The following MME variants were observed in gnomAD, a reference collection of about 807,000 sequenced individuals.
MME encodes the protein membrane metalloendopeptidase, also known as neprilysin.
In MME, 98 loss-of-function variants were observed where a neutral mutation model predicts 113.2. That is an observed-to-expected ratio of 0.87 (90% CI 0.74 to 1.02). The LOEUF (loss-of-function observed/expected upper bound fraction) is 1.02, where lower values mean the gene tolerates loss of function less well. Among genes scored for constraint, MME ranks in the 50% least tolerant of loss-of-function variants. The pLI, the probability that MME is intolerant of heterozygous loss-of-function variation, is 0.00. For missense variants in MME, 836 were observed against 896.0 expected, an observed-to-expected ratio of 0.93 and a Z score of 0.86; for synonymous variants, 292 against 300.6, an observed-to-expected ratio of 0.97 and a Z score of 0.30.
At chr3:155,166,816 C>T in intron 17 of MME, 86 bp from the exon 18 acceptor site, 4 of 1,559,364 alleles carry the variant, frequency 2.6e-6, no homozygotes, top group Non-Finnish European at 8.8e-7. Flanking sequence ...CCAGCTACTC[C>T]TGAGGAGGGA....
At chr3:155,108,765 C>G (rs1238394552) in intron 3 of MME, among the ~76,000 whole-genome samples, 2 of 152,000 alleles carry the variant, frequency 1.3e-5, no homozygotes, top group African/African-American at 4.8e-5. Context: ...CCTTTAAACC[C>G]TCCCCCCTCC....
chr3:155,049,490 T>G (rs1336839856), intron 1 of MME, among the ~76,000 whole-genome samples: 1 of 152,150 alleles, frequency 6.6e-6, no homozygotes. Flanking sequence ...GGAAGAATTT[T>G]TAAGCCACTT....
intron 3 of MME, among the ~76,000 whole-genome samples, chr3:155,087,429 G>A (rs1318623581): frequency 6.6e-6 from 1 of 151,976 alleles, no homozygotes; most frequent in African/African-American, 2.4e-5. Flanking sequence ...ATTCCCCAGG[G>A]AAATGGCTGC....
In MME at chr3:155,180,856, G is replaced by A. The variant is rs540658638; in HGVS notation, c.*397G>A. 2 of 233,610 alleles carry A rather than the reference G, an allele frequency of 8.6e-6. No homozygotes were observed. The highest frequency in any genetic ancestry group is 2.3e-5 in the African/African-American group (1 of 44,378). The allele number at this position is 233,610 out of a possible 1,614,324, so 14.5% of individuals were successfully genotyped here. A position where few individuals can be genotyped will look rare whatever the true frequency, so the allele number is the denominator to read the frequency against. Reference sequence around the variant, plus strand: ...AATACAGTTAGGCACCAGAAGAACAGTAGGTGACACTATAGTTTAAAACAC... The same window carrying A: ...AATACAGTTAGGCACCAGAAGAACAATAGGTGACACTATAGTTTAAAACAC... On this transcript the variant is annotated 3_prime_UTR_variant, in exon 23 of 23. Coordinates refer to ENST00000360490, the MANE Select transcript of MME (RefSeq NM_007289.4).
chr3:155,156,184 G>C (rs1473916621), intron 16 of MME, among the ~76,000 whole-genome samples: 3 of 152,156 alleles, frequency 2.0e-5, no homozygotes, highest in African/African-American at 7.2e-5. Context: ...GGGGTGAGGG[G>C]AGTAGACCTG....
rs76178525 is a variant in MME at position 155,153,432 on chromosome 3, T to A, written c.1601+4779T>A. Among the ~76,000 whole-genome samples, 93 of 152,282 alleles carry A rather than the reference T, an allele frequency of 6.1e-4. No homozygotes were observed. In the East Asian group the frequency reaches 0.018, roughly 29 times the overall value. ...TAAACATGTCATTATAACATAGAAA[T>A]AGTGCTGAATCGGGAATATAATACC... On this transcript the variant is annotated intron_variant, in intron 16 of 22. Coordinates refer to ENST00000360490, the MANE Select transcript of MME (RefSeq NM_007289.4).
chr3:155,180,461 C>G lies in MME; in HGVS notation c.*2C>G. ...GAAAAGAAGTGCCGGGTTTGGTGAT[C>G]TTCAAAAGAAGCATTGCAGCCCTTG... On this transcript the variant is annotated 3_prime_UTR_variant, in exon 23 of 23. Transcript: ENST00000360490. 6.2e-7 allele frequency: 1 copy of G among 1,610,556 alleles called. No homozygotes were observed. The highest frequency in any genetic ancestry group is 8.5e-7 in the Non-Finnish European group (1 of 1,176,934).
chr3:155,073,103 T>C (rs1458259045), intron 1 of MME, among the ~76,000 whole-genome samples: 1 of 152,220 alleles, frequency 6.6e-6, no homozygotes, highest in Non-Finnish European at 1.5e-5. Context: ...AGTTGTGGAA[T>C]AGCTTGGTCA....
intron 1 of MME, among the ~76,000 whole-genome samples, chr3:155,073,182 G>A (rs1378161150): frequency 6.6e-6 from 1 of 152,130 alleles, no homozygotes; most frequent in Non-Finnish European, 1.5e-5. Flanking sequence ...ACTAGCCAGG[G>A]ATCTGCAAAC....
intron 3 of MME, among the ~76,000 whole-genome samples, chr3:155,091,609 C>G (rs1449309769): frequency 6.6e-6 from 1 of 152,062 alleles, no homozygotes; most frequent in Non-Finnish European, 1.5e-5. Context: ...AGAAAGATTC[C>G]TCTGTAGTTG....
In MME at chr3:155,138,224, A is replaced by G; in HGVS notation, c.843A>G (p.Lys281=). The change falls in exon 9 of 23, where the codon AAA becomes AAG. Residue 281 remains lysine (K), a synonymous_variant. Coordinates refer to ENST00000360490, the MANE Select transcript of MME (RefSeq NM_007289.4). ...TGAATAAAGTTATGGAATTGGAAAA[A>G]GAAATTGCCAATGTAAAACACATTT... ...LEMNKVMELE[K]EIANATAKPE... 1 of 1,613,568 alleles carries G rather than the reference A, an allele frequency of 6.2e-7. No homozygotes were observed. The highest frequency in any genetic ancestry group is 1.1e-5 in the South Asian group (1 of 91,076).
intron 8 of MME, among the ~76,000 whole-genome samples, chr3:155,134,042 T>G (rs1720422038): frequency 6.6e-6 from 1 of 151,958 alleles, no homozygotes; most frequent in South Asian, 2.1e-4. Flanking sequence ...AAATTCTGAT[T>G]ACCTTAAATA....
intron 3 of MME, among the ~76,000 whole-genome samples, chr3:155,096,532 C>T (rs1049571666): frequency 3.3e-5 from 5 of 151,994 alleles, no homozygotes; most frequent in African/African-American, 9.7e-5. Flanking sequence ...CTTCTAGTAG[C>T]GGTGGGAGGT....
Position 155,180,423 on chromosome 3 carries a change from A to G in MME, c.2217A>G (p.Ser739=), listed in dbSNP as rs371030508. The change falls in exon 23 of 23, where the codon TCA becomes TCG. Residue 739 remains serine (S), a synonymous_variant. Transcript: ENST00000360490. ...AAGCCTTTCACTGCCGCAAGAATTC[A>G]TACATGAATCCAGAAAAGAAGTGCC... ...FSEAFHCRKN[S]YMNPEKKCRV... 3.1e-6 allele frequency: 5 copies of G among 1,613,522 alleles called. No individual in the cohort carries two copies. The highest frequency in any genetic ancestry group is 4.2e-6 in the Non-Finnish European group (5 of 1,179,628).
intron 1 of MME, among the ~76,000 whole-genome samples, chr3:155,066,341 G>T (rs1049123583): frequency 1.3e-5 from 2 of 152,062 alleles, no homozygotes; most frequent in Non-Finnish European, 2.9e-5. Context: ...GAAGTTTCCT[G>T]TTTTCTATAA....
chr3:155,112,241 C>T (rs915182117), intron 3 of MME: 58 of 152,164 alleles, frequency 3.8e-4, no homozygotes, highest in African/African-American at 1.3e-3. Flanking sequence ...CTGATACAGA[C>T]TTTTGTCAGG....
chr3:155,086,319 G>A (rs1053169717), intron 3 of MME, among the ~76,000 whole-genome samples: 7 of 152,168 alleles, frequency 4.6e-5, no homozygotes, highest in African/African-American at 1.7e-4. Flanking sequence ...AAATAGAGAG[G>A]TTATGAGGTG....
intron 1 of MME, among the ~76,000 whole-genome samples, chr3:155,035,190 T>C (rs1202344098): frequency 6.6e-6 from 1 of 151,476 alleles, no homozygotes; most frequent in African/African-American, 2.4e-5. Flanking sequence ...GTAAAGCCAT[T>C]CATATATTCC....
At chr3:155,051,081 A>C (rs1442280483) in intron 1 of MME, among the ~76,000 whole-genome samples, 1 of 152,214 alleles carries the variant, frequency 6.6e-6, no homozygotes, top group Non-Finnish European at 1.5e-5. Flanking sequence ...AAAAGACATA[A>C]ATTGAGGAAG....
Sources: allele counts gnomAD v4.1 joint callset (sites outside exome capture counted in the v4.1 genomes callset), GRCh38; gene constraint gnomAD v4.1.1; transcripts MANE v1.5; gene names NCBI Gene and HGNC (gene_info 2026-07-23, HGNC 2026-07-21).